Variants in PTPRD observed in about 807,000 individuals in gnomAD.
PTPRD encodes the protein receptor-type tyrosine-protein phosphatase delta.
A neutral mutation model predicts 214.5 loss-of-function variants in PTPRD; 34 were observed. That is an observed-to-expected ratio of 0.16 (90% CI 0.12 to 0.21). The LOEUF is 0.21. PTPRD is among the 10% of genes least tolerant of loss of function. The pLI, the probability that PTPRD is intolerant of heterozygous loss-of-function variation, is 1.00. For missense variants in PTPRD, 2,545 were observed against 2,398.7 expected (o/e 1.06, Z -1.27); for synonymous variants, 1,128 against 845.7 (o/e 1.33, Z -5.79).
chr9:9,848,263 C>T (rs561140282), intron 5 of PTPRD, among the ~76,000 whole-genome samples: 1 of 152,088 alleles, frequency 6.6e-6, no homozygotes, highest in South Asian at 2.1e-4. Context: ...CTGTTATGTT[C>T]ATTTATATCA....
At position 8,743,752 on chromosome 9, in the gene PTPRD, T is replaced by C. The variant is rs554313680; in HGVS notation, c.-103-9806A>G. Among the ~76,000 whole-genome samples, 39 of 151,212 alleles carry C rather than the reference T, an allele frequency of 2.6e-4. No individual in the cohort carries two copies. The South Asian group carries it at 7.9e-3, about 31-fold the overall frequency. ...GCAACAAAAACAAACATTAAATAGA[T>C]AGGACTTAATTCAACTAAAAAAGCT... On this transcript the variant is annotated intron_variant, in intron 11 of 45. Coordinates refer to ENST00000381196, the MANE Select transcript of PTPRD (RefSeq NM_002839.4).
At chr9:10,403,349 A>T (rs554806193) in intron 2 of PTPRD, among the ~76,000 whole-genome samples, 1 of 149,456 alleles carries the variant, frequency 6.7e-6, no homozygotes, top group Admixed American at 6.7e-5. Context: ...GTACACAGAA[A>T]GGATAAGTTA....
chr9:8,404,731 A>T, intron 35 of PTPRD, 71 bp from the exon 36 acceptor site: 1 of 1,506,430 alleles, frequency 6.6e-7, no homozygotes, highest in Non-Finnish European at 9.0e-7. Context: ...CATTTATCAC[A>T]TGTAATAAAC....
rs182441102 is a variant in PTPRD at position 9,976,520 on chromosome 9, G to A, written c.-471-37910C>T. Reference sequence around the variant, plus strand: ...TTACACCTTAGCCTCCCAAGTAGCTGGGATTACAGGTATGTGCCACCACAC... The same window carrying A: ...TTACACCTTAGCCTCCCAAGTAGCTAGGATTACAGGTATGTGCCACCACAC... On this transcript the variant is annotated intron_variant, in intron 4 of 45. Transcript: ENST00000381196. 2.8e-3 allele frequency among the ~76,000 whole-genome samples: 427 copies of A among 151,206 alleles called. 3 individuals carry two copies. The highest frequency in any genetic ancestry group is 9.9e-3 in the African/African-American group (406 of 41,098).
chr9:9,747,807 C>T (rs1016200085), intron 6 of PTPRD, among the ~76,000 whole-genome samples: 4 of 152,118 alleles, frequency 2.6e-5, no homozygotes, highest in Non-Finnish European at 5.9e-5. Context: ...CCTGCCTCGG[C>T]CTCCCAAAGT....
chr9:9,227,422 C>G (rs771314899), intron 9 of PTPRD, among the ~76,000 whole-genome samples: 1 of 152,134 alleles, frequency 6.6e-6, no homozygotes, highest in Non-Finnish European at 1.5e-5. Context: ...CATCAGCTAT[C>G]TGGCCCTGGC....
intron 11 of PTPRD, among the ~76,000 whole-genome samples, chr9:8,868,842 T>A (rs1385879132): frequency 6.6e-6 from 1 of 152,100 alleles, no homozygotes; most frequent in Non-Finnish European, 1.5e-5. Flanking sequence ...CAATCAAACC[T>A]CCACTGTGTG....
At position 10,060,773 on chromosome 9, in the gene PTPRD, T is replaced by C. The variant is rs754080040; in HGVS notation, c.-544-26983A>G. On this transcript the variant is annotated intron_variant, in intron 3 of 45. Transcript: ENST00000381196. ...CCATCAGCATACCAATCACAGGTCTTGCTTTTCTTTCTTTCTTTCTTTCTT... is the reference window on the plus strand; with the variant it reads ...CCATCAGCATACCAATCACAGGTCTCGCTTTTCTTTCTTTCTTTCTTTCTT... Among the ~76,000 whole-genome samples, 2 of 150,830 alleles carry C rather than the reference T, an allele frequency of 1.3e-5. 1 individual carries two copies. The highest frequency in any genetic ancestry group is 2.9e-5 in the Non-Finnish European group (2 of 67,924).
intron 2 of PTPRD, among the ~76,000 whole-genome samples, chr9:10,535,470 C>T (rs778808259): frequency 5.9e-5 from 9 of 151,970 alleles, no homozygotes; most frequent in Non-Finnish European, 7.4e-5. Context: ...ATCTGGTGAG[C>T]TTACTGTATG....
At chr9:10,233,394 G>T (rs2099618511) in intron 3 of PTPRD, among the ~76,000 whole-genome samples, 1 of 151,902 alleles carries the variant, frequency 6.6e-6, no homozygotes, top group African/African-American at 2.4e-5. Context: ...GGGCTAAAGA[G>T]GCGGATGTTT....
At chr9:9,221,045 T>C (rs1040375066) in intron 9 of PTPRD, among the ~76,000 whole-genome samples, 6 of 152,046 alleles carry the variant, frequency 3.9e-5, no homozygotes, top group African/African-American at 1.2e-4. Context: ...GGTTGAAATA[T>C]CGGGTGTGAA....
chr9:8,574,366 C>G (rs569627026), intron 14 of PTPRD, among the ~76,000 whole-genome samples: 1 of 151,922 alleles, frequency 6.6e-6, no homozygotes, highest in East Asian at 1.9e-4. Flanking sequence ...ATAATATTGT[C>G]CTCTGATAAA....
Position 9,974,009 on chromosome 9 carries a change from C to T in PTPRD, c.-471-35399G>A, listed in dbSNP as rs568712580. The stretch of plus-strand genomic sequence containing the variant: ...GTTCTGTAAATAGATTTGTTCCCAT[C>T]ATAGGAATTTAGAAATTGTGACTCC... On this transcript the variant is annotated intron_variant, in intron 4 of 45. Coordinates refer to ENST00000381196, the MANE Select transcript of PTPRD (RefSeq NM_002839.4). 3.3e-5 allele frequency among the ~76,000 whole-genome samples: 5 copies of T among 152,238 alleles called. No homozygotes were observed. In the South Asian group the frequency reaches 1.0e-3, roughly 32 times the overall value.
In PTPRD at chr9:8,649,428, A is replaced by G. The variant is rs796217490; in HGVS notation, c.65-12584T>C. Among the ~76,000 whole-genome samples the G allele has an allele frequency of 6.6e-5, 10 of 152,366 alleles. No homozygotes were observed. The East Asian group carries it at 1.5e-3, about 23-fold the overall frequency. On this transcript the variant is annotated intron_variant, in intron 12 of 45. Coordinates refer to ENST00000381196, the MANE Select transcript of PTPRD (RefSeq NM_002839.4). ...GCTGACCACAACTTCTCATCTATCA[A>G]CTGCACACTGGTTAAGTTGGCAAGA...
At chr9:8,924,055 G>C (rs1195184041) in intron 11 of PTPRD, among the ~76,000 whole-genome samples, 1 of 152,104 alleles carries the variant, frequency 6.6e-6, no homozygotes, top group Non-Finnish European at 1.5e-5. Context: ...TTAGAATGAA[G>C]AAATATTTTA....
rs949348164 is a variant in PTPRD, at chr9:10,423,851, C to T, written c.-599-82834G>A. On this transcript the variant is annotated intron_variant, in intron 2 of 45. Coordinates refer to ENST00000381196, the MANE Select transcript of PTPRD (RefSeq NM_002839.4). The stretch of plus-strand genomic sequence containing the variant: ...CATGTTTTTAGGTTTGGGATGCACC[C>T]GCTAGATTTTGGAAATAAGTTGGAA... 3.6e-4 allele frequency among the ~76,000 whole-genome samples: 55 copies of T among 152,020 alleles called. 1 individual carries two copies. Among genetic ancestry groups the T allele is most frequent in the African/African-American group, 1.2e-3 (50 of 41,518 alleles).
At chr9:9,810,091 A>G (rs1330835861) in intron 5 of PTPRD, among the ~76,000 whole-genome samples, 1 of 149,756 alleles carries the variant, frequency 6.7e-6, no homozygotes, top group Non-Finnish European at 1.5e-5. Flanking sequence ...TACTCAGTGT[A>G]AAGATGAAGA....
Position 9,263,289 on chromosome 9 carries a change from G to T in PTPRD, c.-202-79926C>A, listed in dbSNP as rs539674268. ...TTGTCTTTTTTTATAAATGTTTTTTGAATACATCTCCTATAGGAGAATTGA... is the reference window on the plus strand; with the variant it reads ...TTGTCTTTTTTTATAAATGTTTTTTTAATACATCTCCTATAGGAGAATTGA... On this transcript the variant is annotated intron_variant, in intron 9 of 45. Coordinates refer to ENST00000381196, the MANE Select transcript of PTPRD (RefSeq NM_002839.4). Among the ~76,000 whole-genome samples, 3 of 151,214 alleles carry T rather than the reference G, an allele frequency of 2.0e-5. No individual in the cohort carries two copies. In the East Asian group the frequency reaches 5.9e-4, roughly 30 times the overall value.
At chr9:8,484,461 TG>T (rs1465754546) in intron 29 of PTPRD, 83 bp from the exon 30 acceptor site, 2 of 1,378,346 alleles carry the variant, frequency 1.5e-6, no homozygotes, top group Non-Finnish European at 2.0e-6. Context: ...CACTAGCTTT[TG>T]GAAAATGTAT....
Sources: gnomAD v4.1 joint callset for allele counts (sites outside exome capture counted in the v4.1 genomes callset) on GRCh38, gnomAD v4.1.1 for gene constraint, MANE v1.5 for transcripts, NCBI Gene and HGNC (gene_info 2026-07-23, HGNC 2026-07-21) for gene names.